The following SMARCC1 variants were observed in gnomAD, a reference collection of about 807,000 sequenced individuals.
SMARCC1 encodes SWI/SNF complex subunit SMARCC1.
SMARCC1 carries 43 observed loss-of-function variants against 147.4 expected under a neutral mutation model. The ratio of observed to expected loss-of-function variants is 0.29; its 90% CI spans 0.23 to 0.38. The LOEUF is 0.38. Ranked by LOEUF, SMARCC1 falls within the 10% of genes least tolerant of loss-of-function variation. The pLI is 1.00. For missense variants in SMARCC1, 1,119 were observed against 1,381.1 expected (o/e 0.81, Z 3.01); for synonymous variants, 495 against 484.4 (o/e 1.02, Z -0.29).
At chr3:47,698,210 T>C (rs992989854) in intron 11 of SMARCC1, among the ~76,000 whole-genome samples, 1 of 151,432 alleles carries the variant, frequency 6.6e-6, no homozygotes, top group Admixed American at 6.6e-5. Flanking sequence ...ATTAACTGAT[T>C]AAAAGGAGAA....
chr3:47,628,456 C>T (rs1462776567), intron 24 of SMARCC1, among the ~76,000 whole-genome samples: 2 of 152,192 alleles, frequency 1.3e-5, no homozygotes, highest in African/African-American at 4.8e-5. Flanking sequence ...GTTCTCATAA[C>T]ATCTTAACTA....
At chr3:47,626,017 G>A (rs1033844402) in intron 24 of SMARCC1, among the ~76,000 whole-genome samples, 1 of 152,116 alleles carries the variant, frequency 6.6e-6, no homozygotes, top group African/African-American at 2.4e-5. Context: ...AGCCAGGCAT[G>A]GTAGCACATT....
chr3:47,637,081 A>G (rs561842701), intron 22 of SMARCC1, among the ~76,000 whole-genome samples: 2 of 152,084 alleles, frequency 1.3e-5, no homozygotes, highest in Non-Finnish European at 2.9e-5. Context: ...GGGTCCCCCT[A>G]TGTTGCCTAG....
intron 2 of SMARCC1, among the ~76,000 whole-genome samples, chr3:47,747,975 T>C (rs905830862): frequency 1.3e-5 from 2 of 150,470 alleles, no homozygotes; most frequent in African/African-American, 4.9e-5. Flanking sequence ...ACGGCCAACA[T>C]GGTGAAGCCC....
chr3:47,661,276 A>AAAT lies in SMARCC1; in HGVS notation c.2320+17_2320+18insATT. On this transcript the variant is annotated intron_variant, in intron 21 of 27. Transcript: ENST00000254480. ...AAACATATATTAACCCTGTCCCTTA[A>AAAT]AAGCAGCAGTGACTCACCAAGCTTC... 1 of 1,593,544 alleles carries AAAT rather than the reference A, an allele frequency of 6.3e-7. No individual in the cohort carries two copies. The highest frequency in any genetic ancestry group is 8.5e-7 in the Non-Finnish European group (1 of 1,172,590).
chr3:47,757,777 C>T (rs2034719127), intron 2 of SMARCC1, among the ~76,000 whole-genome samples: 1 of 136,994 alleles, frequency 7.3e-6, no homozygotes. Context: ...AAGCGAGGCT[C>T]CGTATCAAAA....
rs34157187 is a variant in SMARCC1, at chr3:47,704,989, C to CAAA, written c.1040+1417_1040+1419dup. ...GGCACGGTGGCTCATGACCCTGTCT[C>CAAA]AAAAAAAAAAAAAAAAAAAGATGAA... is the stretch of plus-strand genomic sequence containing the variant. On this transcript the variant is annotated intron_variant, in intron 10 of 27. Transcript: ENST00000254480. Among the ~76,000 whole-genome samples the CAAA allele has an allele frequency of 1.8e-3, 121 of 65,866 alleles. 1 individual carries two copies. The highest frequency in any genetic ancestry group is 6.2e-3 in the African/African-American group (113 of 18,092). The allele number at this position is 65,866 out of a possible 152,430, so 43.2% of individuals were successfully genotyped here.
intron 2 of SMARCC1, among the ~76,000 whole-genome samples, chr3:47,768,263 T>C (rs1000896343): frequency 6.6e-6 from 1 of 152,256 alleles, no homozygotes; most frequent in African/African-American, 2.4e-5. Flanking sequence ...TATACCATTA[T>C]GGATTGTATC....
chr3:47,654,705 T>C (rs990568424), intron 21 of SMARCC1, among the ~76,000 whole-genome samples: 1 of 152,208 alleles, frequency 6.6e-6, no homozygotes, highest in African/African-American at 2.4e-5. Context: ...CAGACAGGTG[T>C]ACCAAGAAGA....
At chr3:47,760,468 C>A (rs911837396) in intron 2 of SMARCC1, among the ~76,000 whole-genome samples, 1 of 152,080 alleles carries the variant, frequency 6.6e-6, no homozygotes, top group African/African-American at 2.4e-5. Context: ...TGGAGACCAG[C>A]CTGGCCAACA....
chr3:47,685,143 A>C (rs1424329069), intron 14 of SMARCC1, among the ~76,000 whole-genome samples: 2 of 152,158 alleles, frequency 1.3e-5, no homozygotes, highest in African/African-American at 4.8e-5. Flanking sequence ...TAACTAAAAT[A>C]GGGGTTCCTT....
At chr3:47,620,879 T>C (rs1376778874) in intron 25 of SMARCC1, among the ~76,000 whole-genome samples, 4 of 152,344 alleles carry the variant, frequency 2.6e-5, no homozygotes, top group South Asian at 2.1e-4. Flanking sequence ...TGAACACTTA[T>C]ATAACTGCTG....
chr3:47,673,180 TCAAGACAAAC>T (rs1490464519), intron 18 of SMARCC1, among the ~76,000 whole-genome samples: 1 of 151,254 alleles, frequency 6.6e-6, no homozygotes, highest in African/African-American at 2.4e-5. Context: ...GCTCAGGAGT[TCAAGACAAAC>T]CAGGACAACA....
chr3:47,599,480 A>G (rs1336006012), intron 26 of SMARCC1, among the ~76,000 whole-genome samples: 1 of 152,220 alleles, frequency 6.6e-6, no homozygotes, highest in Non-Finnish European at 1.5e-5. Flanking sequence ...AACTCATTCA[A>G]TCCCCATAAC....
chr3:47,613,833 CTGTGTA>C (rs1263220169), intron 25 of SMARCC1, among the ~76,000 whole-genome samples: 1 of 152,116 alleles, frequency 6.6e-6, no homozygotes, highest in African/African-American at 2.4e-5. Context: ...TCCCTCTTCA[CTGTGTA>C]TGTATAAAGC....
At position 47,590,766 on chromosome 3, in the gene SMARCC1, C is replaced by T; in HGVS notation, c.3115G>A (p.Ala1039Thr). 6.2e-7 allele frequency: 1 copy of T among 1,603,728 alleles called. No homozygotes were observed. The highest frequency in any genetic ancestry group is 1.1e-5 in the South Asian group (1 of 89,092). The stretch of plus-strand genomic sequence containing the variant: ...CCACTCCCAGAGGGGTGGATGTTGG[C>T]TGCAACAGTGGGAATCATGCGGCCT... Reference protein sequence around the residue: ...MPGRMIPTVAANIHPSGSGPT... With the variant: ...MPGRMIPTVATNIHPSGSGPT... Residue 1039 changes from alanine (A) to threonine (T), a missense_variant, in exon 27 of 28, where the codon GCC (alanine) becomes ACC (threonine). Physicochemically the swap from Ala to Thr is moderately conservative, Grantham distance 58. Transcript: ENST00000254480.
At chr3:47,646,748 C>T (rs2033125120) in intron 21 of SMARCC1, among the ~76,000 whole-genome samples, 1 of 152,186 alleles carries the variant, frequency 6.6e-6, no homozygotes, top group Non-Finnish European at 1.5e-5. Flanking sequence ...AATCATGCTA[C>T]TTCTATTTTC....
At chr3:47,700,090 T>G (rs990066625) in intron 11 of SMARCC1, among the ~76,000 whole-genome samples, 4 of 152,038 alleles carry the variant, frequency 2.6e-5, no homozygotes, top group Admixed American at 2.0e-4. Context: ...TCCTTCATCT[T>G]AGGCTGTTTT....
At chr3:47,589,068 A>G (rs765120358) in intron 27 of SMARCC1, among the ~76,000 whole-genome samples, 20 of 152,202 alleles carry the variant, frequency 1.3e-4, no homozygotes, top group South Asian at 4.1e-4. Context: ...TCACCAATCA[A>G]TTCACCCAAC....
Sources: allele counts gnomAD v4.1 joint callset (sites outside exome capture counted in the v4.1 genomes callset), GRCh38; gene constraint gnomAD v4.1.1; transcripts MANE v1.5; gene names NCBI Gene and HGNC (gene_info 2026-07-23, HGNC 2026-07-21).